The following ZNF638 variants were observed in gnomAD, a reference collection of about 807,000 sequenced individuals.
ZNF638 encodes the protein CTCL tumor antigen se33-1.
ZNF638 carries 46 observed loss-of-function variants against 195.6 expected under a neutral mutation model. That is an observed-to-expected ratio of 0.24 (90% CI 0.19 to 0.30). The LOEUF (loss-of-function observed/expected upper bound fraction) is 0.30. Ranked by LOEUF, ZNF638 falls within the 10% of genes least tolerant of loss-of-function variation. The pLI is 1.00. For missense variants in ZNF638, 2,440 were observed against 2,325.3 expected (o/e 1.05, Z -1.01); for synonymous variants, 845 against 772.0 (o/e 1.09, Z -1.57).
intron 6 of ZNF638, among the ~76,000 whole-genome samples, chr2:71,367,738 C>CTT (rs60228089): frequency 0.46 from 66,910 of 144,658 alleles, 16,937 homozygotes; most frequent in Admixed American, 0.57. Flanking sequence ...CAGGCCTGGC[C>CTT]TTTTTTTTTT....
At chr2:71,388,533 CTT>C in intron 10 of ZNF638, 1 of 719,412 alleles carries the variant, frequency 1.4e-6, no homozygotes, top group Non-Finnish European at 2.6e-6. Flanking sequence ...TGCGTTCTCT[CTT>C]CGGCGTCTCT....
chr2:71,419,721 T>A (rs537390214), intron 21 of ZNF638, among the ~76,000 whole-genome samples: 4 of 152,250 alleles, frequency 2.6e-5, no homozygotes, highest in African/African-American at 9.6e-5. Context: ...GTACTATATA[T>A]ATAGACCTAA....
chr2:71,380,459 T>C, intron 9 of ZNF638, 54 bp from the exon 10 acceptor site: 5 of 1,482,704 alleles, frequency 3.4e-6, no homozygotes, highest in Non-Finnish European at 4.6e-6. Flanking sequence ...TTTTAGGATT[T>C]TGTAGAACTT....
chr2:71,365,528 C>T lies in ZNF638; in HGVS notation c.1817C>T (p.Pro606Leu), dbSNP rs1387443751. The change falls in exon 6 of 28, where the codon CCA becomes CTA. Residue 606 changes from proline to leucine, a missense_variant. Coordinates refer to ENST00000264447, the MANE Select transcript of ZNF638 (RefSeq NM_014497.5). ...HLEAADKGHS[P>L]AQKPKTSSGT... is the part of the protein sequence containing the mutation. Reference sequence around the variant, plus strand: ...GAAGCTGCTGATAAGGGACATTCACCAGCACAAAAGCCTAAAACTAGCAGT... The same window carrying T: ...GAAGCTGCTGATAAGGGACATTCACTAGCACAAAAGCCTAAAACTAGCAGT... The T allele has an allele frequency of 3.1e-6, 5 of 1,614,000 alleles. No homozygotes were observed. In the Admixed American group the frequency reaches 5.0e-5, roughly 16 times the overall value.
At chr2:71,351,630 G>T (rs1207824244) in intron 2 of ZNF638, among the ~76,000 whole-genome samples, 7 of 152,112 alleles carry the variant, frequency 4.6e-5, no homozygotes, top group Admixed American at 4.6e-4. Context: ...AGAACTTGAA[G>T]TTTTGTATTC....
intron 10 of ZNF638, chr2:71,388,681 C>A: frequency 8.9e-7 from 1 of 1,122,468 alleles, no homozygotes; most frequent in Non-Finnish European, 1.4e-6. Context: ...CAAGGGATCA[C>A]GACGGAACCC....
chr2:71,348,318 G>A (rs1299320028), intron 1 of ZNF638: 1 of 764,956 alleles, frequency 1.3e-6, no homozygotes, highest in Non-Finnish European at 1.6e-6. Flanking sequence ...ACAAAAATGG[G>A]TCTTTTAGGC....
intron 3 of ZNF638, among the ~76,000 whole-genome samples, chr2:71,358,133 A>G (rs2079053767): frequency 2.0e-5 from 3 of 152,264 alleles, no homozygotes; most frequent in South Asian, 2.1e-4. Context: ...TATCTCTGCT[A>G]CTGTCTTCAC....
intron 3 of ZNF638, among the ~76,000 whole-genome samples, chr2:71,356,618 C>T (rs572467359): frequency 6.6e-6 from 1 of 152,018 alleles, no homozygotes; most frequent in South Asian, 2.1e-4. Flanking sequence ...GATCTTGTCT[C>T]TACCAAAATA....
At chr2:71,404,423 T>G (rs780648338) in intron 17 of ZNF638, among the ~76,000 whole-genome samples, 2 of 152,176 alleles carry the variant, frequency 1.3e-5, no homozygotes, top group African/African-American at 2.4e-5. Context: ...TAAAAACTCT[T>G]ACTGGTCCAG....
At chr2:71,388,713 C>T (rs1228245829) in intron 10 of ZNF638, 1 of 1,188,450 alleles carries the variant, frequency 8.4e-7, no homozygotes, top group South Asian at 1.2e-5. Context: ...GGCGAAGAGA[C>T]TGTGCAGTCA....
chr2:71,421,762 G>A (rs902303888), intron 21 of ZNF638, among the ~76,000 whole-genome samples: 3 of 152,128 alleles, frequency 2.0e-5, no homozygotes, highest in Non-Finnish European at 2.9e-5. Context: ...TCTCCAATCT[G>A]CTGCTTCTCA....
intron 2 of ZNF638, among the ~76,000 whole-genome samples, chr2:71,355,099 G>A (rs996037081): frequency 3.3e-5 from 5 of 151,982 alleles, no homozygotes; most frequent in Admixed American, 6.6e-5. Flanking sequence ...CTCCTGAGTC[G>A]CTGGGGCTAC....
Position 71,349,113 on chromosome 2 carries a change from C to G in ZNF638, c.159C>G (p.His53Gln), listed in dbSNP as rs772146866. Residue 53 changes from histidine to glutamine, a missense_variant, in exon 2 of 28, where the codon CAC becomes CAG. Physicochemically the swap from His to Gln is conservative, Grantham distance 24 (BLOSUM62 0). Coordinates refer to ENST00000264447, the MANE Select transcript of ZNF638 (RefSeq NM_014497.5). The stretch of plus-strand genomic sequence containing the variant: ...CAGGGAGAGCACGTGGAATTCCACA[C>G]AGATTTGCTGGCCATGAATCTTATC... ...YPAGRARGIP[H>Q]RFAGHESYQN... The G allele has an allele frequency of 2.5e-6, 4 of 1,614,176 alleles. No individual in the cohort carries two copies. The East Asian group carries it at 8.9e-5, about 36-fold the overall frequency.
intron 10 of ZNF638, among the ~76,000 whole-genome samples, chr2:71,394,962 A>T (rs2079862567): frequency 6.6e-6 from 1 of 152,218 alleles, no homozygotes; most frequent in Non-Finnish European, 1.5e-5. Flanking sequence ...CTGGGAGCAT[A>T]AGCATATCTG....
In ZNF638 at chr2:71,369,910, G is replaced by T. The variant is rs1337150446; in HGVS notation, c.2170G>T (p.Ala724Ser). The T allele has an allele frequency of 6.3e-7, 1 of 1,588,738 alleles. No homozygotes were observed. The highest frequency in any genetic ancestry group is 8.5e-7 in the Non-Finnish European group (1 of 1,171,734). The change falls in exon 8 of 28, where the codon GCA becomes TCA. Residue 724 changes from alanine (A) to serine (S), a missense_variant. By Grantham distance (99) the Ala-to-Ser change is moderately conservative. Transcript: ENST00000264447. ...EAYLEMEFKEAITAIMKYIET... is the reference protein window; with the variant it reads ...EAYLEMEFKESITAIMKYIET... ...TTACCTAGAAATGGAATTTAAAGAGGCAATTACTGCAATTATGAAGTACAT... is the reference window on the plus strand; with the variant it reads ...TTACCTAGAAATGGAATTTAAAGAGTCAATTACTGCAATTATGAAGTACAT...
rs187966415 is a variant in ZNF638 at position 71,426,644 on chromosome 2, T to C, written c.4775T>C (p.Val1592Ala). The change falls in exon 24 of 28, where the codon GTT (valine) becomes GCT (alanine). Residue 1592 changes from valine (V) to alanine (A), a missense_variant. This residue lies in a region of ZNF638 where 1,883 missense variants were observed against 1,739.1 expected (regional missense o/e 1.08). Coordinates refer to ENST00000264447, the MANE Select transcript of ZNF638 (RefSeq NM_014497.5). ...KKGKTSTPRG[V>A]EGELSFVTLD... Reference sequence around the variant, plus strand: ...GGGAAAACTTCCACTCCTCGTGGTGTTGAGGGAGAACTATCTTTTGTGACA... The same window carrying C: ...GGGAAAACTTCCACTCCTCGTGGTGCTGAGGGAGAACTATCTTTTGTGACA... 8.7e-6 allele frequency: 14 copies of C among 1,614,172 alleles called. No individual in the cohort carries two copies. The East Asian group carries it at 3.1e-4, about 36-fold the overall frequency.
intron 10 of ZNF638, chr2:71,395,398 A>T: frequency 1.5e-6 from 1 of 676,324 alleles, no homozygotes; most frequent in Non-Finnish European, 2.8e-6. Context: ...TTATAAGGAG[A>T]GACGCAAACC....
chr2:71,425,189 G>T (rs1465937666), intron 23 of ZNF638, among the ~76,000 whole-genome samples: 1 of 151,974 alleles, frequency 6.6e-6, no homozygotes, highest in African/African-American at 2.4e-5. Context: ...TTTATATTTG[G>T]TTGTTATTTT....
Sources: allele counts gnomAD v4.1 joint callset (sites outside exome capture counted in the v4.1 genomes callset), GRCh38; gene constraint gnomAD v4.1.1; regional missense constraint gnomAD v4.1.1; transcripts MANE v1.5; gene names NCBI Gene and HGNC (gene_info 2026-07-23, HGNC 2026-07-21).